Variants in TPCN2 observed in about 807,000 individuals in gnomAD.
TPCN2 encodes two pore segment channel 2, also known as two pore channel protein 2.
A neutral mutation model predicts 111.4 loss-of-function variants in TPCN2; 92 were observed. The ratio of observed to expected loss-of-function variants is 0.83; its 90% CI spans 0.70 to 0.98. The LOEUF is 0.98. Ranked by LOEUF, TPCN2 falls within the 50% of genes least tolerant of loss-of-function variation. TPCN2 has a pLI of 0.00. For missense variants in TPCN2, 995 were observed against 980.1 expected (o/e 1.02, Z -0.20); for synonymous variants, 405 against 414.5 (o/e 0.98, Z 0.28).
At chr11:69,079,644 G>A in intron 16 of TPCN2, 190 bp from the exon 17 acceptor site, 2 of 574,194 alleles carry the variant, frequency 3.5e-6, no homozygotes, top group Non-Finnish European at 6.2e-6. Flanking sequence ...CTGAGGCCAG[G>A]GTGTCTTTCC....
In TPCN2 at chr11:69,049,125, G is replaced by A; in HGVS notation, c.109+19G>A. 8.1e-7 allele frequency: 1 copy of A among 1,229,784 alleles called. No individual in the cohort carries two copies. The highest frequency in any genetic ancestry group is 1.0e-6 in the Non-Finnish European group (1 of 977,704). The allele number at this position is 1,229,784 out of a possible 1,614,324, so 76.2% of individuals were successfully genotyped here. A position where few individuals can be genotyped will look rare whatever the true frequency, so the allele number is the denominator to read the frequency against. ...GGCCCTGGTGAGCCGCCCGGACCTG[G>A]GGAGGGGACTGGCCCGGGAGACCAG... On this transcript the variant is annotated intron_variant, in intron 1 of 24. Coordinates refer to ENST00000294309, the MANE Select transcript of TPCN2 (RefSeq NM_139075.4).
chr11:69,074,489 CTG>C (rs1170104221), intron 13 of TPCN2, among the ~76,000 whole-genome samples: 18 of 152,186 alleles, frequency 1.2e-4, no homozygotes, highest in Non-Finnish European at 1.5e-5. Flanking sequence ...TTCACAGAAA[CTG>C]TGGAGATGGT....
intron 22 of TPCN2, 75 bp from the exon 23 acceptor site, chr11:69,086,448 G>A (rs145654022): frequency 1.4e-5 from 18 of 1,249,746 alleles, no homozygotes; most frequent in South Asian, 1.1e-4. Context: ...TCCTGGCCAC[G>A]CAGCAGTGGT....
At chr11:69,070,998 A>G (rs1173271382) in intron 9 of TPCN2, among the ~76,000 whole-genome samples, 1 of 97,570 alleles carries the variant, frequency 1.0e-5, no homozygotes, top group East Asian at 2.9e-4. Context: ...GGGATCCCCC[A>G]CCAACAGCTT....
At chr11:69,063,019 G>GTCC (rs1855091401) in intron 6 of TPCN2, 29 bp downstream of exon 6, 2 of 1,600,100 alleles carry the variant, frequency 1.2e-6, no homozygotes, top group African/African-American at 2.7e-5. Flanking sequence ...GGGCTCGCAG[G>GTCC]GTTGGGAAGG....
Position 69,088,195 on chromosome 11 carries a change from G to T in TPCN2, c.*242G>T. On this transcript the variant is annotated 3_prime_UTR_variant, in exon 25 of 25. Coordinates refer to ENST00000294309, the MANE Select transcript of TPCN2 (RefSeq NM_139075.4). Reference sequence around the variant, plus strand: ...TCCGCTTTCTTTTATAGCTGCTTCAGTGAGAATTCCCTCGTCGACTCCACA... The same window carrying T: ...TCCGCTTTCTTTTATAGCTGCTTCATTGAGAATTCCCTCGTCGACTCCACA... 1.9e-6 allele frequency: 1 copy of T among 530,076 alleles called. No individual in the cohort carries two copies. Among genetic ancestry groups the T allele is most frequent in the Non-Finnish European group, 3.4e-6 (1 of 296,460 alleles). 32.8% of individuals were successfully genotyped at this position (530,076 alleles called of 1,614,324 possible).
At chr11:69,054,655 G>T in intron 2 of TPCN2, 66 bp from the exon 3 acceptor site, 1 of 1,454,266 alleles carries the variant, frequency 6.9e-7, no homozygotes, top group Non-Finnish European at 9.6e-7. Flanking sequence ...TGTGTGGTGT[G>T]GGGCTCGGGT....
chr11:69,069,740 CCGCACTGGG>C lies in TPCN2; in HGVS notation c.830-689_830-681del. Among the ~76,000 whole-genome samples, 11 of 124,416 alleles carry C rather than the reference CCGCACTGGG, an allele frequency of 8.8e-5. 1 individual carries two copies. The highest frequency in any genetic ancestry group is 3.3e-4 in the African/African-American group (11 of 33,448). The allele number at this position is 124,416 out of a possible 152,430, so 81.6% of individuals were successfully genotyped here. The stretch of plus-strand genomic sequence containing the variant: ...GGACCGTCTGAGTCCTAGGAAGTGA[CCGCACTGGG>C]AGCAGGACCGTCTGAGTCCTAGGAA... On this transcript the variant is annotated intron_variant, in intron 8 of 24. Coordinates refer to ENST00000294309, the MANE Select transcript of TPCN2 (RefSeq NM_139075.4).
intron 8 of TPCN2, among the ~76,000 whole-genome samples, chr11:69,070,152 G>A (rs1855458946): frequency 6.6e-6 from 1 of 151,878 alleles, no homozygotes; most frequent in African/African-American, 2.4e-5. Flanking sequence ...AGCCTCCCGA[G>A]TAGCTGGGTT....
At chr11:69,050,315 C>G (rs905809829) in intron 1 of TPCN2, among the ~76,000 whole-genome samples, 4 of 152,218 alleles carry the variant, frequency 2.6e-5, no homozygotes, top group African/African-American at 9.6e-5. Context: ...GACTTTGTGT[C>G]TAGGGGTCTG....
intron 16 of TPCN2, 153 bp downstream of exon 16, chr11:69,079,173 G>A: frequency 9.8e-7 from 1 of 1,024,404 alleles, no homozygotes; most frequent in South Asian, 1.7e-5. Flanking sequence ...CTTCCCTGCT[G>A]GCCGAGTTGC....
At chr11:69,062,181 G>A (rs1855051555) in intron 5 of TPCN2, among the ~76,000 whole-genome samples, 1 of 152,040 alleles carries the variant, frequency 6.6e-6, no homozygotes, top group African/African-American at 2.4e-5. Context: ...CAGATCTCTC[G>A]TGAACCCCTC....
intron 8 of TPCN2, 58 bp downstream of exon 8, chr11:69,067,663 G>A (rs895920201): frequency 1.8e-5 from 27 of 1,541,762 alleles, no homozygotes; most frequent in Admixed American, 1.4e-4. Flanking sequence ...CTGGGGGGCC[G>A]GTTTGGGCTG....
chr11:69,052,202 C>G (rs187050910), intron 1 of TPCN2, among the ~76,000 whole-genome samples: 2 of 152,104 alleles, frequency 1.3e-5, no homozygotes, highest in Non-Finnish European at 2.9e-5. Flanking sequence ...GCCCGGAACT[C>G]GGCCGCTTGT....
rs375679575 is a variant in TPCN2 at position 69,063,857 on chromosome 11, G to T, written c.654-38G>T. On this transcript the variant is annotated intron_variant, in intron 6 of 24. Coordinates refer to ENST00000294309, the MANE Select transcript of TPCN2 (RefSeq NM_139075.4). ...GCAGGTCAGGTGTCCCTGCCTGCCCGCCGCCTGGCCCAGGCTGAGTGCCGT... is the reference window on the plus strand; with the variant it reads ...GCAGGTCAGGTGTCCCTGCCTGCCCTCCGCCTGGCCCAGGCTGAGTGCCGT... 2.5e-6 allele frequency: 4 copies of T among 1,606,314 alleles called. No individual in the cohort carries two copies. In the African/African-American group the frequency reaches 5.3e-5, roughly 21 times the overall value.
At position 69,090,299 on chromosome 11, in the gene TPCN2, C is replaced by T. The variant is rs980290015; in HGVS notation, c.*2346C>T. ...TCTTTCCATAGCTGTAAGGCCCTTT[C>T]TGGGAATGGTTCTCATTCTCCTTAA... On this transcript the variant is annotated 3_prime_UTR_variant, in exon 25 of 25. Coordinates refer to ENST00000294309, the MANE Select transcript of TPCN2 (RefSeq NM_139075.4). The T allele has an allele frequency of 1.3e-5, 2 of 149,336 alleles. No individual in the cohort carries two copies. Among genetic ancestry groups the T allele is most frequent in the Non-Finnish European group, 3.0e-5 (2 of 66,720 alleles). 9.3% of individuals were successfully genotyped at this position (149,336 alleles called of 1,614,324 possible).
intron 7 of TPCN2, among the ~76,000 whole-genome samples, chr11:69,066,929 C>T (rs1256601807): frequency 6.6e-6 from 1 of 152,164 alleles, no homozygotes; most frequent in Admixed American, 6.5e-5. Context: ...GTGGCTGGGA[C>T]CCCTCTCAGG....
intron 8 of TPCN2, among the ~76,000 whole-genome samples, chr11:69,069,909 C>T (rs1475487432): frequency 6.6e-6 from 1 of 152,112 alleles, no homozygotes; most frequent in Non-Finnish European, 1.5e-5. Context: ...AGGGAGTTCC[C>T]CGTCCTGGAG....
intron 5 of TPCN2, 126 bp from the exon 6 acceptor site, chr11:69,062,758 G>A (rs10792015): frequency 0.47 from 382,598 of 821,970 alleles, 92,511 homozygotes; most frequent in Non-Finnish European, 0.52. Flanking sequence ...CTCCACTTTG[G>A]GCTCAGTGAC....
Sources: allele counts gnomAD v4.1 joint callset (sites outside exome capture counted in the v4.1 genomes callset), GRCh38; gene constraint gnomAD v4.1.1; transcripts MANE v1.5; gene names NCBI Gene and HGNC (gene_info 2026-07-23, HGNC 2026-07-21).